DAB2IP: variants seen among roughly 807,000 people sequenced by gnomAD.
DAB2IP encodes DAB2 interacting protein, also known as disabled homolog 2-interacting protein.
In DAB2IP, 28 loss-of-function variants were observed where a neutral mutation model predicts 107.2. The ratio of observed to expected loss-of-function variants is 0.26; its 90% CI spans 0.19 to 0.36. The LOEUF (loss-of-function observed/expected upper bound fraction) is 0.36, where lower values mean the gene tolerates loss of function less well. DAB2IP is among the 10% of genes least tolerant of loss of function. The pLI is 1.00. For synonymous variants in DAB2IP, 755 were observed against 706.4 expected, an observed-to-expected ratio of 1.07 and a Z score of -1.09; for missense variants, 1,400 against 1,644.7, an observed-to-expected ratio of 0.85 and a Z score of 2.57.
At chr9:121,762,658 G>A (rs1833978614) in intron 6 of DAB2IP, among the ~76,000 whole-genome samples, 1 of 152,170 alleles carries the variant, frequency 6.6e-6, no homozygotes, top group African/African-American at 2.4e-5. Flanking sequence ...TGCAGGCTCT[G>A]TGCTAGGTGG....
At chr9:121,695,121 AG>A (rs1829355619) in intron 2 of DAB2IP, among the ~76,000 whole-genome samples, 2 of 151,254 alleles carry the variant, frequency 1.3e-5, no homozygotes, top group Non-Finnish European at 1.5e-5. Flanking sequence ...AGTCTCAGTG[AG>A]GTTGCTTTAG....
Position 121,782,206 on chromosome 9 carries a change from C to T in DAB2IP, c.3403-125C>T. The T allele has an allele frequency of 6.9e-7, 1 of 1,458,040 alleles. No homozygotes were observed. The highest frequency in any genetic ancestry group is 9.1e-7 in the Non-Finnish European group (1 of 1,096,954). The allele number at this position is 1,458,040 out of a possible 1,614,324, so 90.3% of individuals were successfully genotyped here. On this transcript the variant is annotated intron_variant, in intron 15 of 15. Transcript: ENST00000408936. The surrounding 1 kb of genome is among the most constrained non-coding windows in gnomAD (Gnocchi z 6.1). ...TGCCTACCTTCTCTTGCCAGCTGCTCACAGCCCGGAGCCTGCCTGCCACCC... is the reference window on the plus strand; with the variant it reads ...TGCCTACCTTCTCTTGCCAGCTGCTTACAGCCCGGAGCCTGCCTGCCACCC...
intron 3 of DAB2IP, among the ~76,000 whole-genome samples, chr9:121,721,280 G>A (rs1830917113): frequency 6.6e-6 from 1 of 152,224 alleles, no homozygotes. Flanking sequence ...CAGGACCCCA[G>A]GAAGGAAGGG....
intron 3 of DAB2IP, among the ~76,000 whole-genome samples, chr9:121,731,714 A>G (rs955804343): frequency 1.5e-4 from 23 of 152,284 alleles, no homozygotes; most frequent in African/African-American, 5.1e-4. Context: ...ACCTACCCAC[A>G]ACCACTGACC....
At chr9:121,768,171 G>C (rs1834423579) in intron 9 of DAB2IP, among the ~76,000 whole-genome samples, 1 of 152,186 alleles carries the variant, frequency 6.6e-6, no homozygotes, top group Non-Finnish European at 1.5e-5. Flanking sequence ...AAAGCCGAAG[G>C]ACACTGTTAA....
intron 1 of DAB2IP, among the ~76,000 whole-genome samples, chr9:121,669,333 A>G (rs535022720): frequency 6.6e-5 from 10 of 152,352 alleles, no homozygotes; most frequent in African/African-American, 2.4e-4. Flanking sequence ...GTTGCATCTT[A>G]CATAACTATA....
rs570641553 is a variant in DAB2IP at position 121,632,446 on chromosome 9, G to A, written c.41-46232G>A. On this transcript the variant is annotated intron_variant, in intron 1 of 16. Transcript: ENST00000259371. Reference sequence around the variant, plus strand: ...AGTTTCAGATCAGGACCAAAGCCCGGGTCTCTGCAGCTGGTATCTGAGCAC... The same window carrying A: ...AGTTTCAGATCAGGACCAAAGCCCGAGTCTCTGCAGCTGGTATCTGAGCAC... Among the ~76,000 whole-genome samples, 31 of 152,198 alleles carry A rather than the reference G, an allele frequency of 2.0e-4. 3 individuals are homozygous for A. The South Asian group carries it at 4.6e-3, about 22-fold the overall frequency.
intron 3 of DAB2IP, among the ~76,000 whole-genome samples, chr9:121,741,131 C>T (rs1285655576): frequency 6.6e-6 from 1 of 152,174 alleles, no homozygotes; most frequent in Non-Finnish European, 1.5e-5. Flanking sequence ...GCTCGACACC[C>T]CCTCCTCTCC....
At chr9:121,721,906 C>T (rs1029674251) in intron 3 of DAB2IP, among the ~76,000 whole-genome samples, 2 of 152,110 alleles carry the variant, frequency 1.3e-5, no homozygotes, top group African/African-American at 4.8e-5. Flanking sequence ...AAGTGAGGGG[C>T]GGAACTGATG....
chr9:121,684,923 C>G lies in DAB2IP; in HGVS notation c.228+6142C>G, dbSNP rs545230363. 4.6e-5 allele frequency among the ~76,000 whole-genome samples: 7 copies of G among 152,296 alleles called. No individual in the cohort carries two copies. In the East Asian group the frequency reaches 1.4e-3, roughly 29 times the overall value. ...TTGGGACATATTTATGTTTGTGGCC[C>G]ATCAACCAGTGGAGGGATGTCAGCC... On this transcript the variant is annotated intron_variant, in intron 2 of 15. Transcript: ENST00000408936. The surrounding 1 kb of genome is among the most constrained non-coding windows in gnomAD (Gnocchi z 4.0).
intron 1 of DAB2IP, among the ~76,000 whole-genome samples, chr9:121,661,242 G>A (rs1403271838): frequency 3.3e-5 from 5 of 152,032 alleles, no homozygotes; most frequent in Non-Finnish European, 7.4e-5. Context: ...GCAGGGGATC[G>A]ATTATTTGGG....
Position 121,633,382 on chromosome 9 carries a change from C to T in DAB2IP, c.41-45296C>T, listed in dbSNP as rs980564381. 6.6e-6 allele frequency among the ~76,000 whole-genome samples: 1 copy of T among 152,086 alleles called. No individual in the cohort carries two copies. Among genetic ancestry groups the T allele is most frequent in the Non-Finnish European group, 1.5e-5 (1 of 68,012 alleles). On this transcript the variant is annotated intron_variant, in intron 1 of 16. Transcript: ENST00000259371. This position sits in a 1 kb window ranked among gnomAD's most constrained non-coding sequence, Gnocchi z 5.1. ...GGGTTGTGTCTTTGCCCACTGACCC[C>T]ACCCCCCCTACCAAACCACCTCTGC... is the stretch of plus-strand genomic sequence containing the variant.
At chr9:121,769,147 A>T (rs1834512553) in intron 10 of DAB2IP, among the ~76,000 whole-genome samples, 1 of 152,156 alleles carries the variant, frequency 6.6e-6, no homozygotes, top group South Asian at 2.1e-4. Flanking sequence ...CCACACAGTG[A>T]GCAACTAGTT....
intron 3 of DAB2IP, among the ~76,000 whole-genome samples, chr9:121,706,982 G>A (rs955604747): frequency 6.6e-6 from 1 of 152,226 alleles, no homozygotes; most frequent in African/African-American, 2.4e-5. Flanking sequence ...GGAGGGGTAA[G>A]AAGTGATCCC....
chr9:121,628,328 T>G (rs963156699), intron 1 of DAB2IP, among the ~76,000 whole-genome samples: 1 of 152,188 alleles, frequency 6.6e-6, no homozygotes, highest in East Asian at 1.9e-4. Flanking sequence ...CTGAGGCAGA[T>G]GCCCCCCTGC....
At position 121,760,589 on chromosome 9, in the gene DAB2IP, G is replaced by T. The variant is rs543597329; in HGVS notation, c.1170+150G>T. On this transcript the variant is annotated intron_variant, in intron 6 of 15. Transcript: ENST00000408936. This position sits in a 1 kb window ranked among gnomAD's most constrained non-coding sequence, Gnocchi z 5.9. The stretch of plus-strand genomic sequence containing the variant: ...GCTCCCTAAACCCAAAAGTTCTATC[G>T]TGGGCTGGGGGTTTTGTACTCCTGC... 7.1e-6 allele frequency: 7 copies of T among 981,196 alleles called. No individual in the cohort carries two copies. The highest frequency in any genetic ancestry group is 7.1e-5 in the South Asian group (4 of 56,516). 60.8% of individuals were successfully genotyped at this position (981,196 alleles called of 1,614,324 possible).
At chr9:121,606,725 G>C (rs532954283) in intron 1 of DAB2IP, among the ~76,000 whole-genome samples, 14 of 151,976 alleles carry the variant, frequency 9.2e-5, no homozygotes, top group Non-Finnish European at 1.8e-4. Flanking sequence ...CTCAGGCAGT[G>C]GGGGGTGAGG....
intron 1 of DAB2IP, among the ~76,000 whole-genome samples, chr9:121,621,636 C>CG (rs1336642953): frequency 7.4e-6 from 1 of 134,880 alleles, no homozygotes; most frequent in Non-Finnish European, 1.6e-5. Context: ...TCTTTTTTTC[C>CG]TTTTTTTTTT....
intron 1 of DAB2IP, among the ~76,000 whole-genome samples, chr9:121,589,557 C>A (rs1322428081): frequency 2.6e-5 from 4 of 152,158 alleles, no homozygotes; most frequent in African/African-American, 9.7e-5. Flanking sequence ...GTGTCTCAGC[C>A]ATTACCAGCA....
Sources: allele counts gnomAD v4.1 joint callset (sites outside exome capture counted in the v4.1 genomes callset), GRCh38; gene constraint gnomAD v4.1.1; non-coding constraint Gnocchi (gnomAD v3.1); transcripts MANE v1.5; gene names NCBI Gene and HGNC (gene_info 2026-07-23, HGNC 2026-07-21).